The following XRRA1 variants were observed in gnomAD, a reference collection of about 807,000 sequenced individuals.
XRRA1 encodes the protein X-ray radiation resistance associated 1, also known as X-ray radiation resistance-associated protein 1.
Under a neutral mutation model 80.2 loss-of-function variants are expected in XRRA1, and 69 were observed. That is an observed-to-expected ratio of 0.86 (90% CI 0.71 to 1.05). XRRA1 has a LOEUF of 1.05. Among genes scored for constraint, XRRA1 ranks in the 50% least tolerant of loss-of-function variants. The probability of loss-of-function intolerance (pLI) is 0.00; values close to 1 mark genes in which losing one functional copy is unlikely to be tolerated. For synonymous variants in XRRA1, 348 were observed against 389.9 expected, an observed-to-expected ratio of 0.89 and a Z score of 1.27; for missense variants, 967 against 976.4, an observed-to-expected ratio of 0.99 and a Z score of 0.13.
chr11:74,924,576 G>A (rs1168985312), intron 7 of XRRA1, among the ~76,000 whole-genome samples: 1 of 152,194 alleles, frequency 6.6e-6, no homozygotes, highest in Non-Finnish European at 1.5e-5. Flanking sequence ...GCTCACGCCT[G>A]TAATCCCAGC....
chr11:74,920,254 G>A (rs2138900426), intron 8 of XRRA1, among the ~76,000 whole-genome samples: 1 of 152,186 alleles, frequency 6.6e-6, no homozygotes, highest in South Asian at 2.1e-4. Context: ...TTGGACTTCT[G>A]TTACTTGCAA....
rs766795847 is a variant in XRRA1, at chr11:74,933,802, T to G, written c.350A>C (p.Lys117Thr). Residue 117 changes from lysine to threonine, a missense_variant and splice_region_variant, in exon 5 of 19, where the codon AAG (lysine) becomes ACG (threonine). Coordinates refer to ENST00000684022, the MANE Select transcript of XRRA1 (RefSeq NM_001378157.1). ...TINVSGLKFS[K>T]AKENDFKHFH... ...CACATCTTTGCTGGCTGACCTCACC[T>G]TGGAGAACTTCAGGCCACTCACATT... 1.1e-5 allele frequency: 18 copies of G among 1,590,262 alleles called. No individual in the cohort carries two copies. Among genetic ancestry groups the G allele is most frequent in the Non-Finnish European group, 1.5e-5 (18 of 1,167,898 alleles).
intron 8 of XRRA1, among the ~76,000 whole-genome samples, chr11:74,918,678 G>C (rs1452762378): frequency 6.6e-6 from 1 of 152,198 alleles, no homozygotes; most frequent in African/African-American, 2.4e-5. Context: ...GTTCTTCTAT[G>C]TATTGTAGGG....
intron 7 of XRRA1, among the ~76,000 whole-genome samples, chr11:74,925,974 C>T (rs1942121948): frequency 6.6e-6 from 1 of 152,204 alleles, no homozygotes; most frequent in African/African-American, 2.4e-5. Flanking sequence ...CATCTGAAAC[C>T]TGTTTCCTGC....
intron 7 of XRRA1, 128 bp from the exon 8 acceptor site, chr11:74,921,475 A>T (rs1341477877): frequency 2.4e-6 from 3 of 1,228,384 alleles, no homozygotes; most frequent in Non-Finnish European, 3.4e-6. Context: ...GGATCTCCAG[A>T]TTAATATTCA....
rs1943254204 is a variant in XRRA1, at chr11:74,930,474, C to T, written c.352-102G>A. ...GGGCCACTGTCAGAAGAAACAAAGACCTAAAGGAATAAGGGACATCCCTAG... is the reference window on the plus strand; with the variant it reads ...GGGCCACTGTCAGAAGAAACAAAGATCTAAAGGAATAAGGGACATCCCTAG... On this transcript the variant is annotated intron_variant, in intron 5 of 18. Coordinates refer to ENST00000684022, the MANE Select transcript of XRRA1 (RefSeq NM_001378157.1). The T allele has an allele frequency of 1.2e-5, 11 of 894,364 alleles. No individual in the cohort carries two copies. In the South Asian group the frequency reaches 1.6e-4, roughly 13 times the overall value. 55.4% of individuals were successfully genotyped at this position (894,364 alleles called of 1,614,324 possible).
intron 10 of XRRA1, among the ~76,000 whole-genome samples, chr11:74,889,427 C>G (rs2050026449): frequency 6.6e-6 from 1 of 152,194 alleles, no homozygotes; most frequent in Non-Finnish European, 1.5e-5. Context: ...AAGGAACAAC[C>G]AGTACCAGCC....
chr11:74,931,484 C>T (rs915273046), intron 5 of XRRA1, among the ~76,000 whole-genome samples: 3 of 151,556 alleles, frequency 2.0e-5, no homozygotes, highest in African/African-American at 7.3e-5. Flanking sequence ...GCCACCATGC[C>T]CAGTTAATTT....
chr11:74,941,615 T>C (rs2139938501), intron 2 of XRRA1, among the ~76,000 whole-genome samples: 1 of 152,242 alleles, frequency 6.6e-6, no homozygotes, highest in South Asian at 2.1e-4. Flanking sequence ...AGGCTTCATC[T>C]TGTAGGTGAC....
At chr11:74,844,494 A>G (rs1351557357) in intron 16 of XRRA1, among the ~76,000 whole-genome samples, 1 of 152,204 alleles carries the variant, frequency 6.6e-6, no homozygotes, top group African/African-American at 2.4e-5. Flanking sequence ...CCATATTATA[A>G]TGGAAAAATA....
intron 2 of XRRA1, among the ~76,000 whole-genome samples, chr11:74,942,003 C>G (rs1946422973): frequency 6.6e-6 from 1 of 151,928 alleles, no homozygotes; most frequent in African/African-American, 2.4e-5. Flanking sequence ...GTCCCAGCTA[C>G]TTGGGAGGCT....
rs763004707 is a variant in XRRA1, at chr11:74,949,086, G to A, written c.-231C>T. 2.0e-5 allele frequency: 10 copies of A among 500,560 alleles called. No individual in the cohort carries two copies. Among genetic ancestry groups the A allele is most frequent in the East Asian group, 3.6e-5 (1 of 27,838 alleles). 31.0% of individuals were successfully genotyped at this position (500,560 alleles called of 1,614,324 possible). A position where few individuals can be genotyped will look rare whatever the true frequency, so the allele number is the denominator to read the frequency against. ...CCTTAGTAACTGCGACGCGACGGCAGACAGTGTAGGCGGCAACCGACGGCC... is the reference window on the plus strand; with the variant it reads ...CCTTAGTAACTGCGACGCGACGGCAAACAGTGTAGGCGGCAACCGACGGCC... On this transcript the variant is annotated 5_prime_UTR_variant, in exon 1 of 19. Coordinates refer to ENST00000684022, the MANE Select transcript of XRRA1 (RefSeq NM_001378157.1).
chr11:74,907,115 G>A, intron 9 of XRRA1, 30 bp downstream of exon 9: 2 of 1,612,252 alleles, frequency 1.2e-6, no homozygotes, highest in Non-Finnish European at 1.7e-6. Flanking sequence ...GATTAGAGGA[G>A]GCCCAGCAGA....
intron 9 of XRRA1, 135 bp downstream of exon 9, chr11:74,907,010 C>G: frequency 8.1e-7 from 1 of 1,233,132 alleles, no homozygotes; most frequent in East Asian, 2.4e-5. Flanking sequence ...AATGACTTAC[C>G]CATGGCCACA....
At chr11:74,944,853 T>A (rs1947174969) in intron 2 of XRRA1, among the ~76,000 whole-genome samples, 165 bp downstream of exon 2, 1 of 152,310 alleles carries the variant, frequency 6.6e-6, no homozygotes, top group Admixed American at 6.5e-5. Context: ...ATCACACACA[T>A]CTGCTAGAGG....
intron 10 of XRRA1, among the ~76,000 whole-genome samples, chr11:74,886,547 T>TA (rs369764587): frequency 0.043 from 6,307 of 147,062 alleles, 134 homozygotes; most frequent in African/African-American, 0.058. Context: ...AAACACGGCT[T>TA]AAAAAAAAAA....
chr11:74,894,783 A>G (rs2051810052), intron 10 of XRRA1, among the ~76,000 whole-genome samples: 1 of 152,186 alleles, frequency 6.6e-6, no homozygotes, highest in African/African-American at 2.4e-5. Context: ...AAAGATTAAA[A>G]AATCAAGATT....
intron 14 of XRRA1, among the ~76,000 whole-genome samples, chr11:74,850,182 C>T (rs185570227): frequency 3.4e-4 from 52 of 152,306 alleles, no homozygotes; most frequent in African/African-American, 1.2e-3. Context: ...AGTCAGTTCA[C>T]CTCTCTGAGT....
At chr11:74,887,347 C>A (rs549324123) in intron 10 of XRRA1, among the ~76,000 whole-genome samples, 58 of 152,278 alleles carry the variant, frequency 3.8e-4, no homozygotes, top group African/African-American at 1.4e-3. Context: ...TATCCAGAAT[C>A]TATAAGGTAC....
Sources: allele counts gnomAD v4.1 joint callset (sites outside exome capture counted in the v4.1 genomes callset), GRCh38; gene constraint gnomAD v4.1.1; transcripts MANE v1.5; gene names NCBI Gene and HGNC (gene_info 2026-07-23, HGNC 2026-07-21).